The following GALNT17 variants were observed in gnomAD, a reference collection of about 807,000 sequenced individuals.
GALNT17 encodes UDP-GalNAc:polypeptide N-acetylgalactosaminyltransferase-like 3.
In GALNT17, 29 loss-of-function variants were observed where a neutral mutation model predicts 63.7. That is an observed-to-expected ratio of 0.46 (90% CI 0.34 to 0.62). The LOEUF is 0.62. GALNT17 is among the 20% of genes least tolerant of loss of function. GALNT17 has a pLI of 0.01. For missense variants in GALNT17, 603 were observed against 799.6 expected, an observed-to-expected ratio of 0.75 and a Z score of 2.97; for synonymous variants, 305 against 318.3, an observed-to-expected ratio of 0.96 and a Z score of 0.45.
chr7:71,414,156 A>C (rs1274141042), intron 3 of GALNT17, among the ~76,000 whole-genome samples: 1 of 152,106 alleles, frequency 6.6e-6, no homozygotes, highest in Non-Finnish European at 1.5e-5. Flanking sequence ...CAGGAGAATC[A>C]CATGAACCCA....
chr7:71,418,868 C>T (rs893202614), intron 4 of GALNT17, among the ~76,000 whole-genome samples: 4 of 152,102 alleles, frequency 2.6e-5, no homozygotes, highest in Admixed American at 6.5e-5. Flanking sequence ...GAGGCTGAGG[C>T]GGGCGGATCA....
At chr7:71,310,216 A>G (rs539728675) in intron 1 of GALNT17, among the ~76,000 whole-genome samples, 17 of 152,358 alleles carry the variant, frequency 1.1e-4, no homozygotes, top group African/African-American at 3.8e-4. Context: ...AGAAGAATAC[A>G]TATATCATCC....
intron 9 of GALNT17, among the ~76,000 whole-genome samples, chr7:71,680,934 G>C (rs899943538): frequency 6.8e-6 from 1 of 146,662 alleles, no homozygotes; most frequent in African/African-American, 2.5e-5. Flanking sequence ...GGGTCTTGCT[G>C]TGTTACCCAG....
chr7:71,675,714 C>T (rs1327307291), intron 8 of GALNT17, among the ~76,000 whole-genome samples: 2 of 152,196 alleles, frequency 1.3e-5, no homozygotes, highest in Admixed American at 6.5e-5. Context: ...CAGCCAGGCG[C>T]AGTGGTTCAC....
chr7:71,216,648 A>G (rs1473645364), intron 1 of GALNT17, among the ~76,000 whole-genome samples: 1 of 151,160 alleles, frequency 6.6e-6, no homozygotes, highest in Non-Finnish European at 1.5e-5. Flanking sequence ...ATATATACAG[A>G]CATACAAATA....
chr7:71,668,696 C>T (rs1284758740), intron 7 of GALNT17, among the ~76,000 whole-genome samples: 1 of 152,054 alleles, frequency 6.6e-6, no homozygotes, highest in East Asian at 1.9e-4. Flanking sequence ...TTGAAGTCTT[C>T]TCCCAGGCCC....
intron 6 of GALNT17, among the ~76,000 whole-genome samples, chr7:71,644,353 G>A (rs749867973): frequency 1.5e-4 from 23 of 151,436 alleles, no homozygotes; most frequent in East Asian, 1.9e-4. Flanking sequence ...TGGTCAACAC[G>A]GTGAAACCCC....
intron 1 of GALNT17, among the ~76,000 whole-genome samples, chr7:71,270,957 A>T (rs1400584975): frequency 6.6e-6 from 1 of 151,724 alleles, no homozygotes; most frequent in Non-Finnish European, 1.5e-5. Context: ...AAAAGAAGAA[A>T]AGAAAAGAAA....
chr7:71,682,655 C>T (rs1791285500), intron 9 of GALNT17, among the ~76,000 whole-genome samples: 1 of 152,076 alleles, frequency 6.6e-6, no homozygotes, highest in Admixed American at 6.6e-5. Context: ...AGAAATCCTC[C>T]CATCTCGGCC....
intron 6 of GALNT17, among the ~76,000 whole-genome samples, chr7:71,652,315 G>GTCATAAATA (rs1249553767): frequency 6.6e-6 from 1 of 152,086 alleles, no homozygotes; most frequent in Non-Finnish European, 1.5e-5. Flanking sequence ...CCATTTCTGA[G>GTCATAAATA]AAGCAGTCAT....
chr7:71,265,146 A>G (rs1431887323), intron 1 of GALNT17, among the ~76,000 whole-genome samples: 1 of 34,930 alleles, frequency 2.9e-5, no homozygotes, highest in Non-Finnish European at 5.7e-5. Flanking sequence ...TTTTTTTTTG[A>G]GATGGAGTCT....
At chr7:71,386,572 A>G (rs1287527947) in intron 2 of GALNT17, among the ~76,000 whole-genome samples, 1 of 152,194 alleles carries the variant, frequency 6.6e-6, no homozygotes, top group African/African-American at 2.4e-5. Context: ...GAAGCAGAGC[A>G]CGTTCCCCGG....
At chr7:71,685,313 T>C (rs1479939132) in intron 9 of GALNT17, 1 of 152,052 alleles carries the variant, frequency 6.6e-6, no homozygotes, top group East Asian at 1.9e-4. Flanking sequence ...GGTGCTAGGA[T>C]CAAGGGCTAG....
At chr7:71,614,457 C>T (rs1196790519) in intron 6 of GALNT17, among the ~76,000 whole-genome samples, 1 of 152,060 alleles carries the variant, frequency 6.6e-6, no homozygotes, top group Non-Finnish European at 1.5e-5. Context: ...AGCAAGATCT[C>T]ATCTCTACAA....
intron 7 of GALNT17, among the ~76,000 whole-genome samples, chr7:71,668,412 A>T (rs866498430): frequency 5.0e-4 from 75 of 149,784 alleles, no homozygotes; most frequent in African/African-American, 1.7e-3. Flanking sequence ...GCTACTCGGG[A>T]GGCTGAAGCA....
chr7:71,375,337 A>G (rs1792701322), intron 2 of GALNT17, among the ~76,000 whole-genome samples: 1 of 152,164 alleles, frequency 6.6e-6, no homozygotes, highest in African/African-American at 2.4e-5. Context: ...CTGACGTTGC[A>G]GGGTAACAAC....
chr7:71,669,907 C>A, intron 7 of GALNT17, 65 bp from the exon 8 acceptor site: 1 of 1,588,984 alleles, frequency 6.3e-7, no homozygotes. Flanking sequence ...AGTGACTCCA[C>A]CTGTGCCCCA....
intron 9 of GALNT17, among the ~76,000 whole-genome samples, chr7:71,688,765 A>G (rs1791398898): frequency 6.6e-6 from 1 of 152,152 alleles, no homozygotes; most frequent in Non-Finnish European, 1.5e-5. Context: ...TTCCTGTTTG[A>G]TCATAAGATT....
chr7:71,683,205 A>T (rs962516950), intron 9 of GALNT17, among the ~76,000 whole-genome samples: 1 of 152,140 alleles, frequency 6.6e-6, no homozygotes, highest in Non-Finnish European at 1.5e-5. Flanking sequence ...CTTTTTAAAA[A>T]GTCAATCTCA....
Sources: allele counts gnomAD v4.1 joint callset (sites outside exome capture counted in the v4.1 genomes callset), GRCh38; gene constraint gnomAD v4.1.1; transcripts MANE v1.5; gene names NCBI Gene and HGNC (gene_info 2026-07-23, HGNC 2026-07-21).